The following GSE1 variants were observed in gnomAD, a reference collection of about 807,000 sequenced individuals.
GSE1 encodes genetic suppressor element 1.
In GSE1, 32 loss-of-function variants were observed where a neutral mutation model predicts 112.6. That is an observed-to-expected ratio of 0.28 (90% confidence interval 0.21 to 0.38). The LOEUF is 0.38. Ranked by LOEUF, GSE1 falls within the 10% of genes least tolerant of loss-of-function variation. The pLI, the probability that GSE1 is intolerant of heterozygous loss-of-function variation, is 1.00. For missense variants in GSE1, 2,348 were observed against 1,699.2 expected (o/e 1.38, Z -6.71); for synonymous variants, 1,115 against 735.6 (o/e 1.52, Z -8.35).
chr16:85,519,561 T>C (rs1484454111), intron 2 of GSE1, among the ~76,000 whole-genome samples: 14 of 474 alleles, frequency 0.03, 3 homozygotes, highest in East Asian at 0.2. Context: ...ACCATCACTA[T>C]CATCATCACC....
At chr16:85,233,191 C>A (rs1044051482) in intron 1 of GSE1, among the ~76,000 whole-genome samples, 1 of 152,292 alleles carries the variant, frequency 6.6e-6, no homozygotes, top group African/African-American at 2.4e-5. Flanking sequence ...TCGTGGGACC[C>A]TGTGCCTGCA....
At chr16:85,446,558 G>A (rs947579361) in intron 2 of GSE1, among the ~76,000 whole-genome samples, 5 of 152,190 alleles carry the variant, frequency 3.3e-5, no homozygotes, top group African/African-American at 1.2e-4. Flanking sequence ...CCGGGCTCAT[G>A]TGGAAGGACG....
intron 2 of GSE1, among the ~76,000 whole-genome samples, chr16:85,634,984 C>T (rs993694065): frequency 4.6e-5 from 7 of 152,166 alleles, no homozygotes; most frequent in African/African-American, 1.7e-4. Context: ...ACCCCAGTGG[C>T]ATCCGCTTCA....
At chr16:85,246,130 T>C (rs1190914425) in intron 1 of GSE1, among the ~76,000 whole-genome samples, 5 of 150,578 alleles carry the variant, frequency 3.3e-5, no homozygotes, top group Non-Finnish European at 5.9e-5. Flanking sequence ...ACCCGTGTTT[T>C]CCTGGGGAGT....
In GSE1 at chr16:85,656,418, C is replaced by G. The variant is rs376914656; in HGVS notation, c.1065C>G (p.Arg355=). The G allele has an allele frequency of 2.0e-4, 309 of 1,575,848 alleles. 1 individual carries two copies. The highest frequency in any genetic ancestry group is 2.4e-4 in the Non-Finnish European group (279 of 1,157,978). Residue 355 remains arginine (R), a synonymous_variant, in exon 7 of 16, where the codon CGC becomes CGG. Transcript: ENST00000253458. ...REREREREAD[R]EREKERERER... is the part of the protein sequence containing the mutation. ...GCGAGCGTGAGCGTGAGGCTGACCG[C>G]GAGCGGGAGAAGGAACGTGAGCGCG... is the stretch of plus-strand genomic sequence containing the variant.
intron 2 of GSE1, among the ~76,000 whole-genome samples, chr16:85,389,511 G>C (rs1231414042): frequency 6.6e-6 from 1 of 151,416 alleles, no homozygotes; most frequent in Non-Finnish European, 1.5e-5. Context: ...CAGGGGCTGA[G>C]GGTGGGGGTC....
At chr16:85,331,543 G>GTGTATATA (rs1555563812) in intron 1 of GSE1, among the ~76,000 whole-genome samples, 2,868 of 126,260 alleles carry the variant, frequency 0.023, 153 homozygotes, top group African/African-American at 0.077. Flanking sequence ...ATGTGTATAT[G>GTGTATATA]TGTGTATATA....
rs75723661 is a variant in GSE1 at position 85,339,411 on chromosome 16, G to A, written c.2284-18052G>A. Reference sequence around the variant, plus strand: ...CGCGGTGCTGACGAGGCCCTGGCACGACTCTGCCTGCTTGCTGCGCCCTTT... The same window carrying A: ...CGCGGTGCTGACGAGGCCCTGGCACAACTCTGCCTGCTTGCTGCGCCCTTT... On this transcript the variant is annotated intron_variant, in intron 1 of 2. Transcript: ENST00000637419. Among the ~76,000 whole-genome samples, 425 of 152,220 alleles carry A rather than the reference G, an allele frequency of 2.8e-3. 8 individuals are homozygous for A. The East Asian group carries it at 0.042, about 15-fold the overall frequency.
intron 2 of GSE1, among the ~76,000 whole-genome samples, chr16:85,411,607 GCC>G (rs1201197876): frequency 7.3e-5 from 1 of 13,606 alleles, no homozygotes; most frequent in Non-Finnish European, 1.8e-4. Flanking sequence ...TACACTCAGG[GCC>G]CCCCCGGATA....
chr16:85,577,959 G>C (rs1434482212), intron 1 of GSE1, among the ~76,000 whole-genome samples: 2 of 152,260 alleles, frequency 1.3e-5, no homozygotes, highest in Non-Finnish European at 2.9e-5. Flanking sequence ...GCTGTGCGCT[G>C]TGTGGCTCCA....
intron 2 of GSE1, among the ~76,000 whole-genome samples, chr16:85,377,582 G>A (rs2151612642): frequency 6.6e-6 from 1 of 152,342 alleles, no homozygotes; most frequent in Non-Finnish European, 1.5e-5. Context: ...AGGGCACTGT[G>A]AGAAGGAACA....
intron 14 of GSE1, 25 bp from the exon 15 acceptor site, chr16:85,670,970 A>G (rs188554166): frequency 3.5e-4 from 516 of 1,454,820 alleles, no homozygotes; most frequent in Non-Finnish European, 3.1e-4. Context: ...TACGGAAAAT[A>G]CATCACCATC....
chr16:85,280,941 G>T (rs1399772029), intron 1 of GSE1, among the ~76,000 whole-genome samples: 1 of 152,172 alleles, frequency 6.6e-6, no homozygotes, highest in South Asian at 2.1e-4. Flanking sequence ...AGGTCCTGGC[G>T]TTGCCTGCCC....
At chr16:85,562,133 A>G (rs1326903596) in intron 1 of GSE1, among the ~76,000 whole-genome samples, 2 of 152,222 alleles carry the variant, frequency 1.3e-5, no homozygotes, top group Admixed American at 1.3e-4. Flanking sequence ...AAACATGGCT[A>G]TTTTAGTTGT....
chr16:85,530,690 G>A (rs12444465), intron 2 of GSE1, among the ~76,000 whole-genome samples: 89,021 of 152,078 alleles, frequency 0.59, 26,933 homozygotes, highest in East Asian at 0.78. Context: ...GCTACCTGAA[G>A]CCTCACAGAG....
Position 85,672,508 on chromosome 16 carries a change from C to T in GSE1, c.3623C>T (p.Pro1208Leu). ...KCLALPAMHW[P>L]RGYLKGYPR Reference sequence around the variant, plus strand: ...CTTGCCTTGCCTGCAATGCACTGGCCTAGGGGCTACCTGAAGGGATATCCC... The same window carrying T: ...CTTGCCTTGCCTGCAATGCACTGGCTTAGGGGCTACCTGAAGGGATATCCC... Residue 1208 changes from proline to leucine, a missense_variant, in exon 16 of 16, where the codon CCT becomes CTT. Transcript: ENST00000253458. The T allele has an allele frequency of 3.1e-6, 5 of 1,611,628 alleles. No homozygotes were observed. Among genetic ancestry groups the T allele is most frequent in the Non-Finnish European group, 4.2e-6 (5 of 1,177,966 alleles).
chr16:85,653,775 C>T (rs561407401), intron 3 of GSE1, among the ~76,000 whole-genome samples: 2 of 152,322 alleles, frequency 1.3e-5, no homozygotes, highest in Middle Eastern at 3.4e-3. Context: ...CCCTGCCCTC[C>T]ACGTGGGCAC....
rs141799513 is a variant in GSE1 at position 85,375,923 on chromosome 16, A to T, written c.2464+18280A>T. Among the ~76,000 whole-genome samples, 53 of 152,274 alleles carry T rather than the reference A, an allele frequency of 3.5e-4. No homozygotes were observed. In the East Asian group the frequency reaches 9.3e-3, roughly 27 times the overall value. On this transcript the variant is annotated intron_variant, in intron 2 of 2. Transcript: ENST00000637419. Reference sequence around the variant, plus strand: ...CATCAGCCCCATTTTATAGGTGAAGAAACAGGCTCAGAGACGTGTGAGGTT... The same window carrying T: ...CATCAGCCCCATTTTATAGGTGAAGTAACAGGCTCAGAGACGTGTGAGGTT...
At chr16:85,476,185 G>A (rs990496331) in intron 2 of GSE1, among the ~76,000 whole-genome samples, 2 of 152,210 alleles carry the variant, frequency 1.3e-5, no homozygotes, top group South Asian at 4.1e-4. Flanking sequence ...TCCTGCCTGG[G>A]CCTCCCAGAG....
Sources: gnomAD v4.1 joint callset for allele counts (sites outside exome capture counted in the v4.1 genomes callset) on GRCh38, gnomAD v4.1.1 for gene constraint, MANE v1.5 for transcripts, NCBI Gene and HGNC (gene_info 2026-07-23, HGNC 2026-07-21) for gene names.